TCF12: variants seen among roughly 807,000 people sequenced by gnomAD.
The protein encoded by TCF12 is transcription factor 12, also known as DNA-binding protein HTF4.
In TCF12, 45 loss-of-function variants were observed where a neutral mutation model predicts 86.0. The ratio of observed to expected loss-of-function variants is 0.52; its 90% CI spans 0.41 to 0.67. The LOEUF is 0.67. Ranked by LOEUF, TCF12 falls within the 30% of genes least tolerant of loss-of-function variation. TCF12 has a pLI of 0.00. For missense variants in TCF12, 881 were observed against 859.9 expected (o/e 1.02, Z -0.31); for synonymous variants, 330 against 299.6 (o/e 1.10, Z -1.05).
chr15:57,149,324 T>C (rs1258956584), intron 5 of TCF12, among the ~76,000 whole-genome samples: 1 of 152,184 alleles, frequency 6.6e-6, no homozygotes, highest in Non-Finnish European at 1.5e-5. Flanking sequence ...TGATACTGAA[T>C]TTGGAGAACT....
chr15:57,007,531 T>G (rs1379764386), intron 3 of TCF12, among the ~76,000 whole-genome samples: 1 of 152,244 alleles, frequency 6.6e-6, no homozygotes, highest in Non-Finnish European at 1.5e-5. Context: ...TCCCTCACCC[T>G]GCCATAAACT....
chr15:57,248,537 A>G (rs1245716074), intron 13 of TCF12, among the ~76,000 whole-genome samples: 4 of 152,358 alleles, frequency 2.6e-5, no homozygotes, highest in Admixed American at 2.6e-4. Context: ...TGTAGTACTC[A>G]GTAGTAATCT....
At chr15:57,184,694 G>A (rs180892914) in intron 6 of TCF12, among the ~76,000 whole-genome samples, 11 of 152,008 alleles carry the variant, frequency 7.2e-5, no homozygotes, top group Non-Finnish European at 1.2e-4. Flanking sequence ...AGTGTACTAC[G>A]AGCCATATTC....
At chr15:57,232,655 T>G in intron 10 of TCF12, 57 bp from the exon 11 acceptor site, 1 of 1,552,402 alleles carries the variant, frequency 6.4e-7, no homozygotes, top group Non-Finnish European at 8.7e-7. Flanking sequence ...AGTTGTCCAT[T>G]TTATGTGAAT....
chr15:57,121,928 C>T (rs1567464982), intron 5 of TCF12, among the ~76,000 whole-genome samples: 1 of 151,950 alleles, frequency 6.6e-6, no homozygotes, highest in African/African-American at 2.4e-5. Flanking sequence ...TTGTCCTTGC[C>T]ATATTTTTAT....
intron 18 of TCF12, among the ~76,000 whole-genome samples, chr15:57,269,211 T>A (rs2061008152): frequency 6.6e-6 from 1 of 152,146 alleles, no homozygotes; most frequent in Admixed American, 6.5e-5. Context: ...GGTGCTCGTG[T>A]ATTGGGTGTG....
At chr15:57,123,796 AC>A (rs2051410157) in intron 5 of TCF12, among the ~76,000 whole-genome samples, 2 of 151,934 alleles carry the variant, frequency 1.3e-5, no homozygotes, top group Middle Eastern at 3.4e-3. Flanking sequence ...CTAGAAAAGT[AC>A]AAAAAACAAA....
intron 3 of TCF12, among the ~76,000 whole-genome samples, chr15:56,925,199 C>T (rs1288452014): frequency 6.6e-6 from 1 of 151,010 alleles, no homozygotes; most frequent in South Asian, 2.1e-4. Context: ...GAGACTCTGT[C>T]TCCAAAAACA....
chr15:57,162,912 A>G (rs896866239), intron 5 of TCF12, among the ~76,000 whole-genome samples: 8 of 152,180 alleles, frequency 5.3e-5, no homozygotes, highest in Non-Finnish European at 1.0e-4. Flanking sequence ...GTGGTGGCTC[A>G]CGCCTGTAAT....
chr15:56,944,596 C>T (rs1184524277), intron 3 of TCF12, among the ~76,000 whole-genome samples: 1 of 152,060 alleles, frequency 6.6e-6, no homozygotes, highest in African/African-American at 2.4e-5. Context: ...GTTCTACTTG[C>T]CAGGAGCCAG....
intron 8 of TCF12, among the ~76,000 whole-genome samples, chr15:57,214,620 G>C (rs768977096): frequency 6.6e-5 from 10 of 152,168 alleles, no homozygotes; most frequent in Non-Finnish European, 1.2e-4. Flanking sequence ...ATCTGAGACA[G>C]ACGCTATTTT....
intron 7 of TCF12, among the ~76,000 whole-genome samples, chr15:57,197,154 T>TC (rs2057308704): frequency 7.4e-6 from 1 of 135,422 alleles, no homozygotes; most frequent in African/African-American, 2.8e-5. Flanking sequence ...AACAGCTTCT[T>TC]TTTTTTTTTT....
intron 3 of TCF12, among the ~76,000 whole-genome samples, chr15:57,009,067 C>G (rs1325227121): frequency 6.6e-6 from 1 of 152,136 alleles, no homozygotes; most frequent in Non-Finnish European, 1.5e-5. Context: ...AAGTCCCAGT[C>G]AAACCTTCTT....
chr15:57,231,171 A>G lies in TCF12; in HGVS notation c.599A>G (p.Asn200Ser). The change falls in exon 9 of 21, where the codon AAT becomes AGT. Residue 200 changes from asparagine to serine, a missense_variant. Around this residue, in one of 3 missense-constraint regions of TCF12, gnomAD observed 766 missense variants for 718.9 expected, o/e 1.07. Transcript: ENST00000333725. Reference protein sequence around the residue: ...LPSSVYAPSPNSDDFNRESPS... With the variant: ...LPSSVYAPSPSSDDFNRESPS... ...TTTAAGGTATATGCACCATCCCCAA[A>G]TTCAGATGATTTCAACCGTGAATCT... is the stretch of plus-strand genomic sequence containing the variant. 6.2e-7 allele frequency: 1 copy of G among 1,612,874 alleles called. No individual in the cohort carries two copies. The highest frequency in any genetic ancestry group is 8.5e-7 in the Non-Finnish European group (1 of 1,179,078).
At chr15:57,009,984 CTG>C (rs1302634324) in intron 3 of TCF12, among the ~76,000 whole-genome samples, 1 of 152,124 alleles carries the variant, frequency 6.6e-6, no homozygotes, top group Non-Finnish European at 1.5e-5. Flanking sequence ...CACAGGGACT[CTG>C]TAAGTGTGGA....
intron 4 of TCF12, among the ~76,000 whole-genome samples, chr15:57,078,172 C>T (rs138538782): frequency 3.0e-4 from 46 of 152,194 alleles, no homozygotes; most frequent in African/African-American, 1.1e-3. Context: ...AATCTTAATG[C>T]GACTTCTGCC....
chr15:56,959,091 ATTG>A (rs1418908239), intron 3 of TCF12, among the ~76,000 whole-genome samples: 1 of 152,172 alleles, frequency 6.6e-6, no homozygotes, highest in Non-Finnish European at 1.5e-5. Flanking sequence ...GGATGATAAC[ATTG>A]TTGTCCCTTT....
At chr15:56,954,968 T>C (rs1271928071) in intron 3 of TCF12, among the ~76,000 whole-genome samples, 1 of 152,172 alleles carries the variant, frequency 6.6e-6, no homozygotes, top group Non-Finnish European at 1.5e-5. Context: ...GTAAACTAGT[T>C]CAACCATTGT....
chr15:56,948,049 G>T (rs781172201), intron 3 of TCF12, among the ~76,000 whole-genome samples: 1 of 152,090 alleles, frequency 6.6e-6, no homozygotes, highest in African/African-American at 2.4e-5. Flanking sequence ...TATCACTTTT[G>T]TAAGGGTTAT....
Sources: gnomAD v4.1 joint callset for allele counts (sites outside exome capture counted in the v4.1 genomes callset) on GRCh38, gnomAD v4.1.1 for gene constraint, gnomAD v4.1.1 regional missense constraint, MANE v1.5 for transcripts, NCBI Gene and HGNC (gene_info 2026-07-23, HGNC 2026-07-21) for gene names.